JARID2: variants seen among roughly 807,000 people sequenced by gnomAD.
The protein encoded by JARID2 is protein Jumonji.
Under a neutral mutation model 125.6 loss-of-function variants are expected in JARID2, and 21 were observed. The ratio of observed to expected loss-of-function variants is 0.17; its 90% CI spans 0.12 to 0.24. The LOEUF (loss-of-function observed/expected upper bound fraction) is 0.24, where lower values mean the gene tolerates loss of function less well. JARID2 is among the 10% of genes least tolerant of loss of function. The probability of loss-of-function intolerance (pLI) is 1.00; values close to 1 mark genes in which losing one functional copy is unlikely to be tolerated. For synonymous variants in JARID2, 736 were observed against 661.6 expected (o/e 1.11, Z -1.73); for missense variants, 1,303 against 1,639.6 (o/e 0.79, Z 3.55).
chr6:15,421,226 G>T (rs1242139895), intron 3 of JARID2, among the ~76,000 whole-genome samples: 1 of 152,054 alleles, frequency 6.6e-6, no homozygotes, highest in African/African-American at 2.4e-5. Flanking sequence ...CTATATGGTG[G>T]CCGTTGTTTT....
intron 1 of JARID2, among the ~76,000 whole-genome samples, chr6:15,350,986 A>G (rs896575402): frequency 4.6e-5 from 7 of 151,716 alleles, no homozygotes; most frequent in Admixed American, 1.3e-4. Flanking sequence ...TTGTACTGAA[A>G]GAGATTTCAA....
At chr6:15,449,734 G>A (rs1451188956) in intron 3 of JARID2, among the ~76,000 whole-genome samples, 1 of 151,870 alleles carries the variant, frequency 6.6e-6, no homozygotes, top group Non-Finnish European at 1.5e-5. Context: ...TTTTTTTTAA[G>A]GACTATAGAT....
In JARID2 at chr6:15,350,061, T is replaced by C. The variant is rs546260375; in HGVS notation, c.46-24056T>C. ...GCCCACCATGTCCTGGATCTTAATG[T>C]TGGATAAGTCTGCTGTATTGTTTGT... is the stretch of plus-strand genomic sequence containing the variant. On this transcript the variant is annotated intron_variant, in intron 1 of 17. Transcript: ENST00000341776. 2.6e-5 allele frequency among the ~76,000 whole-genome samples: 4 copies of C among 152,192 alleles called. No individual in the cohort carries two copies. The East Asian group carries it at 5.8e-4, about 22-fold the overall frequency.
intron 2 of JARID2, among the ~76,000 whole-genome samples, chr6:15,391,288 T>G (rs1458446519): frequency 6.6e-6 from 1 of 152,170 alleles, no homozygotes. Context: ...CTCAGTGGTG[T>G]TGGTGAAAGC....
At chr6:15,476,326 GCTCTGGT>G (rs1769338772) in intron 5 of JARID2, among the ~76,000 whole-genome samples, 1 of 152,192 alleles carries the variant, frequency 6.6e-6, no homozygotes, top group Admixed American at 6.5e-5. Context: ...GAGCAGAGTG[GCTCTGGT>G]CATGGAGCCG....
intron 4 of JARID2, among the ~76,000 whole-genome samples, chr6:15,462,939 C>T (rs1437262234): frequency 6.6e-6 from 1 of 152,138 alleles, no homozygotes; most frequent in Non-Finnish European, 1.5e-5. Flanking sequence ...GATTTTTGTC[C>T]AGATGAAAAC....
chr6:15,246,376 T>G lies in JARID2; in HGVS notation c.-164T>G. 2 of 593,668 alleles carry G rather than the reference T, an allele frequency of 3.4e-6. No homozygotes were observed. The highest frequency in any genetic ancestry group is 5.9e-6 in the Non-Finnish European group (2 of 336,220). 36.8% of individuals were successfully genotyped at this position (593,668 alleles called of 1,614,324 possible). On this transcript the variant is annotated 5_prime_UTR_variant, in exon 1 of 18. Coordinates refer to ENST00000341776, the MANE Select transcript of JARID2 (RefSeq NM_004973.4). ...TTTCCTTCCCAATTTCGGATTTATT[T>G]CAAGGCGAATCTGGCTTTGGGGGAA...
At chr6:15,456,742 G>A (rs1768193802) in intron 4 of JARID2, among the ~76,000 whole-genome samples, 1 of 152,022 alleles carries the variant, frequency 6.6e-6, no homozygotes, top group Admixed American at 6.6e-5. Flanking sequence ...TATCTAGATA[G>A]CATCAAGATA....
chr6:15,434,397 A>G (rs1463920900), intron 3 of JARID2, among the ~76,000 whole-genome samples: 2 of 152,170 alleles, frequency 1.3e-5, no homozygotes, highest in Admixed American at 6.5e-5. Flanking sequence ...CCAGTTCCCT[A>G]GAGGAGCTGA....
intron 3 of JARID2, among the ~76,000 whole-genome samples, chr6:15,437,403 C>T (rs1767253683): frequency 6.6e-6 from 1 of 152,162 alleles, no homozygotes; most frequent in African/African-American, 2.4e-5. Flanking sequence ...CCCTTGGCCT[C>T]AGCTCCTTAT....
At chr6:15,414,959 C>CGGCTT (rs1366988778) in intron 3 of JARID2, among the ~76,000 whole-genome samples, 17 of 152,302 alleles carry the variant, frequency 1.1e-4, no homozygotes, top group Non-Finnish European at 1.6e-4. Flanking sequence ...GAGGACCCTG[C>CGGCTT]GGCTTTCCGC....
chr6:15,504,579 C>T lies in JARID2; in HGVS notation c.2528C>T (p.Pro843Leu), dbSNP rs367950791. ...MSMCFSKEPAPAEIEQEYWRL... is the reference protein window; with the variant it reads ...MSMCFSKEPALAEIEQEYWRL... ...ATGTGTTTCAGCAAGGAGCCTGCCC[C>T]AGCCGAAATCGAGGTGAGAGAAGGG... Residue 843 changes from proline to leucine, a missense_variant, in exon 9 of 18, where the codon CCA becomes CTA. Pro to Leu is a moderately conservative substitution (Grantham distance 98). Transcript: ENST00000341776. The T allele has an allele frequency of 3.1e-5, 50 of 1,613,482 alleles. No homozygotes were observed. Among genetic ancestry groups the T allele is most frequent in the Non-Finnish European group, 4.1e-5 (48 of 1,179,552 alleles).
intron 2 of JARID2, among the ~76,000 whole-genome samples, chr6:15,395,300 G>T (rs970026273): frequency 6.6e-6 from 1 of 151,974 alleles, no homozygotes; most frequent in Admixed American, 6.6e-5. Flanking sequence ...TGCTTTTTTG[G>T]GGGGTGGTGG....
intron 3 of JARID2, among the ~76,000 whole-genome samples, chr6:15,413,446 G>T (rs1363785527): frequency 6.6e-6 from 1 of 152,160 alleles, no homozygotes; most frequent in Non-Finnish European, 1.5e-5. Context: ...CTGAGACGGG[G>T]TAACTTTAGA....
intron 5 of JARID2, among the ~76,000 whole-genome samples, chr6:15,475,473 C>T (rs2237130): frequency 0.66 from 100,072 of 152,054 alleles, 33,153 homozygotes; most frequent in Admixed American, 0.72. Context: ...CCCAGGTCCT[C>T]GCTTCGCCGT....
chr6:15,404,286 T>G (rs970208907), intron 2 of JARID2, among the ~76,000 whole-genome samples: 1 of 152,182 alleles, frequency 6.6e-6, no homozygotes, highest in African/African-American at 2.4e-5. Context: ...ATGGGCAAAC[T>G]CCATGTTCAT....
chr6:15,501,510 T>A lies in JARID2; in HGVS notation c.2448+101T>A, dbSNP rs112371367. ...TGCACTGGACGGTGTGTTCTCTGATTCCCTGGGGTGATGAGGGGGCGGGCC... is the reference window on the plus strand; with the variant it reads ...TGCACTGGACGGTGTGTTCTCTGATACCCTGGGGTGATGAGGGGGCGGGCC... On this transcript the variant is annotated intron_variant, in intron 8 of 17. Coordinates refer to ENST00000341776, the MANE Select transcript of JARID2 (RefSeq NM_004973.4). The A allele has an allele frequency of 2.5e-6, 3 of 1,200,986 alleles. No individual in the cohort carries two copies. The African/African-American group carries it at 4.9e-5, about 20-fold the overall frequency. The allele number at this position is 1,200,986 out of a possible 1,614,324, so 74.4% of individuals were successfully genotyped here. A position where few individuals can be genotyped will look rare whatever the true frequency, so the allele number is the denominator to read the frequency against.
intron 7 of JARID2, among the ~76,000 whole-genome samples, chr6:15,500,274 G>C (rs1581651321): frequency 6.6e-6 from 1 of 152,198 alleles, no homozygotes; most frequent in African/African-American, 2.4e-5. Flanking sequence ...GAGGGACGAG[G>C]CATAGATGTG....
At chr6:15,251,222 G>T (rs1759437860) in intron 1 of JARID2, among the ~76,000 whole-genome samples, 1 of 152,104 alleles carries the variant, frequency 6.6e-6, no homozygotes, top group Non-Finnish European at 1.5e-5. Context: ...CACCATATTG[G>T]CCTAGCTGGT....
Sources: gnomAD v4.1 joint callset for allele counts (sites outside exome capture counted in the v4.1 genomes callset) on GRCh38, gnomAD v4.1.1 for gene constraint, MANE v1.5 for transcripts, NCBI Gene and HGNC (gene_info 2026-07-23, HGNC 2026-07-21) for gene names.